The following CSMD1 variants were observed in gnomAD, a reference collection of about 807,000 sequenced individuals.
CSMD1 encodes CUB and Sushi multiple domains 1, also known as CUB and sushi domain-containing protein 1.
CSMD1 carries 213 observed loss-of-function variants against 417.5 expected under a neutral mutation model. The ratio of observed to expected loss-of-function variants is 0.51; its 90% CI spans 0.46 to 0.57. CSMD1 has a LOEUF of 0.57. CSMD1 is among the 20% of genes least tolerant of loss of function. The pLI is 0.00. For missense variants in CSMD1, 6,923 were observed against 4,529.7 expected (o/e 1.53, Z -15.17); for synonymous variants, 2,862 against 1,736.8 (o/e 1.65, Z -16.11).
intron 7 of CSMD1, among the ~76,000 whole-genome samples, chr8:3,646,274 T>G (rs1332366785): frequency 6.6e-6 from 1 of 152,132 alleles, no homozygotes; most frequent in Non-Finnish European, 1.5e-5. Flanking sequence ...TAACTGTAAT[T>G]TTTCTCAGTT....
chr8:4,924,715 T>A (rs1585339676), intron 1 of CSMD1, among the ~76,000 whole-genome samples: 1 of 40,144 alleles, frequency 2.5e-5, no homozygotes, highest in Non-Finnish European at 4.3e-5. Flanking sequence ...AGAATGAAAC[T>A]CCATCTCAAA....
chr8:4,683,768 A>G (rs1157833172), intron 1 of CSMD1, among the ~76,000 whole-genome samples: 1 of 152,222 alleles, frequency 6.6e-6, no homozygotes, highest in Admixed American at 6.5e-5. Flanking sequence ...ACATACATCT[A>G]TGAAACTTTT....
rs757454732 is a variant in CSMD1, at chr8:3,614,427, G to T, written c.1097+2283C>A. On this transcript the variant is annotated intron_variant, in intron 8 of 69. Transcript: ENST00000635120. ...AAACCTCTTCTTCAGAAATAAGTCT[G>T]ATCTGAGAATGAAATGGAGTAAAGA... Among the ~76,000 whole-genome samples the T allele has an allele frequency of 7.3e-4, 111 of 152,160 alleles. 1 individual carries two copies. The highest frequency in any genetic ancestry group is 3.4e-3 in the Middle Eastern group (1 of 294).
rs147593632 is a variant in CSMD1, at chr8:4,450,651, C to T, written c.303-30586G>A. 3.2e-4 allele frequency among the ~76,000 whole-genome samples: 49 copies of T among 152,194 alleles called. 1 individual carries two copies. In the East Asian group the frequency reaches 8.1e-3, roughly 25 times the overall value. ...TCTCCAAAGAAAAAAAAATTTGGTA[C>T]TTTGATGCAGTATCCACTGTCTTGC... is the stretch of plus-strand genomic sequence containing the variant. On this transcript the variant is annotated intron_variant, in intron 2 of 69. Coordinates refer to ENST00000635120, the MANE Select transcript of CSMD1 (RefSeq NM_033225.6).
chr8:4,963,201 T>A (rs188671745), intron 1 of CSMD1, among the ~76,000 whole-genome samples: 125 of 152,254 alleles, frequency 8.2e-4, no homozygotes, highest in African/African-American at 3.0e-3. Flanking sequence ...TTTATTTATT[T>A]ACTTATTTAT....
At chr8:3,049,070 C>A (rs1212559984) in intron 50 of CSMD1, among the ~76,000 whole-genome samples, 1 of 152,098 alleles carries the variant, frequency 6.6e-6, no homozygotes, top group Non-Finnish European at 1.5e-5. Context: ...AAAATCCAGA[C>A]ACTGATAGCA....
intron 23 of CSMD1, among the ~76,000 whole-genome samples, chr8:3,328,316 G>C (rs1806668846): frequency 6.6e-6 from 1 of 152,138 alleles, no homozygotes; most frequent in Admixed American, 6.6e-5. Context: ...AGCTCTGCCT[G>C]CCTATATGCT....
intron 1 of CSMD1, among the ~76,000 whole-genome samples, chr8:4,896,560 C>A (rs1585283139): frequency 1.3e-5 from 2 of 152,102 alleles, no homozygotes; most frequent in African/African-American, 4.8e-5. Flanking sequence ...CTTCACCTAA[C>A]CTTACACATA....
intron 5 of CSMD1, among the ~76,000 whole-genome samples, chr8:3,989,457 G>T (rs952917292): frequency 6.6e-6 from 1 of 152,200 alleles, no homozygotes; most frequent in East Asian, 1.9e-4. Flanking sequence ...GCTGGAACGA[G>T]TTGTGGTAAC....
At chr8:3,787,647 C>G (rs1007687465) in intron 5 of CSMD1, among the ~76,000 whole-genome samples, 1 of 152,064 alleles carries the variant, frequency 6.6e-6, no homozygotes, top group African/African-American at 2.4e-5. Flanking sequence ...AGAAATAAGG[C>G]AGCTTGGTAA....
chr8:4,718,809 T>C (rs891797553), intron 1 of CSMD1, among the ~76,000 whole-genome samples: 1 of 151,926 alleles, frequency 6.6e-6, no homozygotes, highest in Non-Finnish European at 1.5e-5. Flanking sequence ...GAAATTAACA[T>C]GAAATATTCA....
intron 1 of CSMD1, among the ~76,000 whole-genome samples, chr8:4,961,359 C>G (rs1206795683): frequency 6.6e-6 from 1 of 152,114 alleles, no homozygotes; most frequent in Non-Finnish European, 1.5e-5. Flanking sequence ...TCAACCTGAC[C>G]TGATTGCCCC....
intron 3 of CSMD1, among the ~76,000 whole-genome samples, chr8:4,092,975 C>G (rs1397483369): frequency 1.3e-5 from 2 of 152,040 alleles, no homozygotes; most frequent in Non-Finnish European, 2.9e-5. Context: ...TGGGGAGTAT[C>G]TTATACATAG....
intron 3 of CSMD1, among the ~76,000 whole-genome samples, chr8:4,076,569 A>T (rs903443722): frequency 6.6e-6 from 1 of 152,196 alleles, no homozygotes; most frequent in African/African-American, 2.4e-5. Context: ...AAGAAAATGA[A>T]ATAATATATT....
intron 7 of CSMD1, among the ~76,000 whole-genome samples, chr8:3,648,938 T>G (rs1344773038): frequency 1.3e-5 from 2 of 152,186 alleles, no homozygotes; most frequent in East Asian, 1.9e-4. Flanking sequence ...TTTTTTTTCT[T>G]TAACAGAACC....
chr8:4,338,843 A>C (rs1800318490), intron 3 of CSMD1, among the ~76,000 whole-genome samples: 1 of 152,112 alleles, frequency 6.6e-6, no homozygotes, highest in Non-Finnish European at 1.5e-5. Context: ...GCTTTATATT[A>C]CTTTTTGAAA....
At chr8:4,441,224 G>C (rs938597851) in intron 2 of CSMD1, among the ~76,000 whole-genome samples, 1 of 136,786 alleles carries the variant, frequency 7.3e-6, no homozygotes, top group East Asian at 2.2e-4. Flanking sequence ...TCAGCCTCTT[G>C]AGTAGCTGGA....
chr8:4,462,870 A>C (rs1187350598), intron 2 of CSMD1, among the ~76,000 whole-genome samples: 1 of 152,152 alleles, frequency 6.6e-6, no homozygotes, highest in African/African-American at 2.4e-5. Context: ...TCTTTGAAGA[A>C]AATATAGGAG....
intron 1 of CSMD1, among the ~76,000 whole-genome samples, chr8:4,777,449 G>A (rs1398579968): frequency 6.6e-6 from 1 of 152,076 alleles, no homozygotes; most frequent in Non-Finnish European, 1.5e-5. Flanking sequence ...AATTGTTAGG[G>A]ACAGATGTGT....
Sources: gnomAD v4.1 joint callset for allele counts (sites outside exome capture counted in the v4.1 genomes callset) on GRCh38, gnomAD v4.1.1 for gene constraint, MANE v1.5 for transcripts, NCBI Gene and HGNC (gene_info 2026-07-23, HGNC 2026-07-21) for gene names.